Variants in XKR4 observed in about 807,000 individuals in gnomAD.
The protein encoded by XKR4 is XK related 4.
A neutral mutation model predicts 53.9 loss-of-function variants in XKR4; 12 were observed. The ratio of observed to expected loss-of-function variants is 0.22; its 90% CI spans 0.14 to 0.36. The LOEUF (loss-of-function observed/expected upper bound fraction) is 0.36, where lower values mean the gene tolerates loss of function less well. XKR4 is among the 10% of genes least tolerant of loss of function. The probability of loss-of-function intolerance (pLI) is 1.00; values close to 1 mark genes in which losing one functional copy is unlikely to be tolerated. For missense variants in XKR4, 799 were observed against 859.5 expected, an observed-to-expected ratio of 0.93 and a Z score of 0.88; for synonymous variants, 354 against 362.4, an observed-to-expected ratio of 0.98 and a Z score of 0.26.
At chr8:55,267,341 A>C (rs1432180771) in intron 1 of XKR4, among the ~76,000 whole-genome samples, 1 of 152,208 alleles carries the variant, frequency 6.6e-6, no homozygotes, top group Non-Finnish European at 1.5e-5. Context: ...GGCTGTAAAG[A>C]ATGTCTGCAT....
At chr8:55,256,106 G>A (rs1818436532) in intron 1 of XKR4, among the ~76,000 whole-genome samples, 1 of 151,836 alleles carries the variant, frequency 6.6e-6, no homozygotes, top group African/African-American at 2.4e-5. Context: ...GATGAGCTGA[G>A]GCTGAGGAAG....
intron 1 of XKR4, among the ~76,000 whole-genome samples, chr8:55,338,446 C>T (rs59578099): frequency 0.02 from 3,006 of 152,270 alleles, 89 homozygotes; most frequent in African/African-American, 0.068. Flanking sequence ...AAGCTGGTCA[C>T]CACTGTGGGG....
At chr8:55,121,635 T>C (rs1816391871) in intron 1 of XKR4, among the ~76,000 whole-genome samples, 1 of 152,292 alleles carries the variant, frequency 6.6e-6, no homozygotes, top group Non-Finnish European at 1.5e-5. Context: ...CATGTAGACA[T>C]TGAGTTCTGG....
rs921592415 is a variant in XKR4, at chr8:55,276,863, A to G, written c.807-80815A>G. The stretch of plus-strand genomic sequence containing the variant: ...AGAGGCATCAACATATGAAGTGGAA[A>G]GAGAAAGAACAAAATAAATCCAGTC... On this transcript the variant is annotated intron_variant, in intron 1 of 2. Transcript: ENST00000327381. Among the ~76,000 whole-genome samples the G allele has an allele frequency of 2.0e-5, 3 of 152,234 alleles. No homozygotes were observed. The East Asian group carries it at 5.8e-4, about 29-fold the overall frequency.
At position 55,528,855 on chromosome 8, in the gene XKR4, G is replaced by C. The variant is rs970639160; in HGVS notation, c.*4628G>C. On this transcript the variant is annotated 3_prime_UTR_variant, in exon 3 of 3. Coordinates refer to ENST00000327381, the MANE Select transcript of XKR4 (RefSeq NM_052898.2). ...TGCTCCAGTGTTTCAAAATGGCCAA[G>C]GATGGGCGATTCCGCTCTATCCCCC... is the stretch of plus-strand genomic sequence containing the variant. 1 of 151,908 alleles carries C rather than the reference G, an allele frequency of 6.6e-6. No individual in the cohort carries two copies. The highest frequency in any genetic ancestry group is 2.4e-5 in the African/African-American group (1 of 41,314). 9.4% of individuals were successfully genotyped at this position (151,908 alleles called of 1,614,324 possible).
At chr8:55,117,420 C>G (rs1426693240) in intron 1 of XKR4, among the ~76,000 whole-genome samples, 1 of 152,194 alleles carries the variant, frequency 6.6e-6, no homozygotes. Context: ...TCATTGCCTT[C>G]CCTGCTTCCT....
At chr8:55,298,305 C>A (rs985823986) in intron 1 of XKR4, among the ~76,000 whole-genome samples, 1 of 152,108 alleles carries the variant, frequency 6.6e-6, no homozygotes, top group Non-Finnish European at 1.5e-5. Flanking sequence ...CAAAATTCAG[C>A]AAATTGAATA....
At chr8:55,192,181 T>C (rs1243670416) in intron 1 of XKR4, among the ~76,000 whole-genome samples, 2 of 145,942 alleles carry the variant, frequency 1.4e-5, no homozygotes, top group Admixed American at 6.8e-5. Context: ...GTGGAATGGC[T>C]AGCACAGGAT....
intron 2 of XKR4, among the ~76,000 whole-genome samples, chr8:55,457,146 C>CTTTTTTTTTTTTTTTTT (rs1554527639): frequency 2.2e-5 from 3 of 137,262 alleles, no homozygotes; most frequent in African/African-American, 8.0e-5. Context: ...TTTTCCTTTT[C>CTTTTTTTTTTTTTTTTT]TTTTTTTTTT....
intron 2 of XKR4, among the ~76,000 whole-genome samples, chr8:55,424,935 C>G (rs1194832169): frequency 6.6e-6 from 1 of 152,128 alleles, no homozygotes; most frequent in Admixed American, 6.5e-5. Context: ...TTAGCTGCCA[C>G]GGTTTAAAAA....
chr8:55,188,048 C>T (rs993216470), intron 1 of XKR4, among the ~76,000 whole-genome samples: 2 of 152,098 alleles, frequency 1.3e-5, no homozygotes, highest in East Asian at 1.9e-4. Flanking sequence ...TGCCTAGTGC[C>T]GGTATCATTT....
intron 1 of XKR4, among the ~76,000 whole-genome samples, chr8:55,155,045 A>G (rs11998142): frequency 0.029 from 4,474 of 152,310 alleles, 233 homozygotes; most frequent in African/African-American, 0.1. Context: ...AGGAAAACAG[A>G]TGACTTCTCT....
intron 1 of XKR4, among the ~76,000 whole-genome samples, chr8:55,155,781 A>G (rs1316832288): frequency 2.0e-5 from 3 of 152,370 alleles, no homozygotes; most frequent in African/African-American, 7.2e-5. Flanking sequence ...AGTGTTGGGA[A>G]AAGATGAGTC....
At chr8:55,116,240 G>C (rs979184107) in intron 1 of XKR4, among the ~76,000 whole-genome samples, 4 of 152,076 alleles carry the variant, frequency 2.6e-5, no homozygotes, top group African/African-American at 9.7e-5. Flanking sequence ...AGACTGAAGA[G>C]CCTCTGTATC....
chr8:55,478,549 A>T (rs1384370446), intron 2 of XKR4, among the ~76,000 whole-genome samples: 2 of 152,112 alleles, frequency 1.3e-5, no homozygotes, highest in East Asian at 3.9e-4. Flanking sequence ...ACACATAACA[A>T]TATTAACTTT....
In XKR4 at chr8:55,228,847, A is replaced by ACC. The variant is rs1229405389; in HGVS notation, c.806+125554_806+125555insCC. ...TGTATGTATATGTGTGTATGTACAC[A>ACC]CACACACACACACACACACACACAT... On this transcript the variant is annotated intron_variant, in intron 1 of 2. Transcript: ENST00000327381. Among the ~76,000 whole-genome samples the ACC allele has an allele frequency of 7.3e-5, 8 of 109,514 alleles. No homozygotes were observed. The East Asian group carries it at 1.6e-3, about 22-fold the overall frequency. The allele number at this position is 109,514 out of a possible 152,430, so 71.8% of individuals were successfully genotyped here.
intron 2 of XKR4, among the ~76,000 whole-genome samples, chr8:55,392,452 A>G (rs569748878): frequency 5.3e-4 from 81 of 152,378 alleles, no homozygotes; most frequent in African/African-American, 1.9e-3. Flanking sequence ...ATTGACTGGA[A>G]CACATTAAAT....
At chr8:55,356,928 T>G (rs185986835) in intron 1 of XKR4, among the ~76,000 whole-genome samples, 1 of 152,340 alleles carries the variant, frequency 6.6e-6, no homozygotes, top group Admixed American at 6.5e-5. Flanking sequence ...ACTTAATAGA[T>G]AGTTAATAAT....
chr8:55,369,399 GGGGA>G (rs1804038993), intron 2 of XKR4, among the ~76,000 whole-genome samples: 1 of 89,684 alleles, frequency 1.1e-5, no homozygotes. Context: ...GGGGAGGGGA[GGGGA>G]GGGAAAGGAA....
Sources: allele counts gnomAD v4.1 joint callset (sites outside exome capture counted in the v4.1 genomes callset), GRCh38; gene constraint gnomAD v4.1.1; transcripts MANE v1.5; gene names NCBI Gene and HGNC (gene_info 2026-07-23, HGNC 2026-07-21).